The following AKNA variants were observed in gnomAD, a reference collection of about 807,000 sequenced individuals.
AKNA encodes AT-hook transcription factor.
Under a neutral mutation model 138.8 loss-of-function variants are expected in AKNA, and 67 were observed. The ratio of observed to expected loss-of-function variants is 0.48; its 90% confidence interval spans 0.40 to 0.59. The LOEUF (loss-of-function observed/expected upper bound fraction) is 0.59. Ranked by LOEUF, AKNA falls within the 20% of genes least tolerant of loss-of-function variation. AKNA has a pLI of 0.00. For missense variants in AKNA, 1,813 were observed against 1,880.4 expected, an observed-to-expected ratio of 0.96 and a Z score of 0.66; for synonymous variants, 737 against 754.4, an observed-to-expected ratio of 0.98 and a Z score of 0.38.
Position 114,336,830 on chromosome 9 carries a change from G to T in AKNA, c.*224C>A. The T allele has an allele frequency of 2.1e-6, 1 of 486,410 alleles. No homozygotes were observed. Among genetic ancestry groups the T allele is most frequent in the East Asian group, 3.3e-5 (1 of 30,020 alleles). 30.1% of individuals were successfully genotyped at this position (486,410 alleles called of 1,614,324 possible). On this transcript the variant is annotated 3_prime_UTR_variant, in exon 22 of 22. Transcript: ENST00000374088. ...GAGGCCTCGCTCACAGCACCTCTGT[G>T]AGGGGACTGGTGCTCCTGGGAAGTC...
intron 15 of AKNA, chr9:114,349,089 C>G: frequency 2.5e-6 from 1 of 407,570 alleles, no homozygotes; most frequent in South Asian, 1.7e-5. Context: ...GCCACGAGGG[C>G]AAGTGTGGGC....
Position 114,337,013 on chromosome 9 carries a change from G to GGGGGGGGGGGGGGGCCGCGCC in AKNA, c.*40_*41insGGCGCGGCCCCCCCCCCCCCC. The stretch of plus-strand genomic sequence containing the variant: ...CCACTCCTGGCCTGGCAGGCCACCT[G>GGGGGGGGGGGGGGGCCGCGCC]CCCACCCACCCACCCATCTGCCTCT... On this transcript the variant is annotated 3_prime_UTR_variant, in exon 22 of 22. Coordinates refer to ENST00000374088, the MANE Select transcript of AKNA (RefSeq NM_001317950.2). The GGGGGGGGGGGGGGGCCGCGCC allele has an allele frequency of 8.4e-7, 1 of 1,185,370 alleles. No homozygotes were observed. The highest frequency in any genetic ancestry group is 1.1e-6 in the Non-Finnish European group (1 of 921,704). The allele number at this position is 1,185,370 out of a possible 1,614,324, so 73.4% of individuals were successfully genotyped here. A position where few individuals can be genotyped will look rare whatever the true frequency, so the allele number is the denominator to read the frequency against.
chr9:114,364,303 A>G (rs1588988111), intron 7 of AKNA, among the ~76,000 whole-genome samples: 1 of 151,998 alleles, frequency 6.6e-6, no homozygotes, highest in East Asian at 1.9e-4. Context: ...CTGGGTTTTG[A>G]TGATGACCAA....
At chr9:114,331,366 G>C (rs1402577926), downstream of AKNA, among the ~76,000 whole-genome samples, 1 of 152,028 alleles carries the variant, frequency 6.6e-6, no homozygotes, top group African/African-American at 2.4e-5. Flanking sequence ...TCTGTGTGAG[G>C]CTCCTGAGAT....
upstream of AKNA, among the ~76,000 whole-genome samples, chr9:114,395,509 G>C (rs1000720340): frequency 6.6e-6 from 1 of 152,036 alleles, no homozygotes; most frequent in African/African-American, 2.4e-5. Context: ...ATACCAACCT[G>C]TTCCCAAGTC....
In AKNA at chr9:114,345,867, G is replaced by A. The variant is rs1830644877; in HGVS notation, c.3657C>T (p.Tyr1219=). The A allele has an allele frequency of 6.2e-7, 1 of 1,613,962 alleles. No homozygotes were observed. Among genetic ancestry groups the A allele is most frequent in the Admixed American group, 1.7e-5 (1 of 60,000 alleles). Residue 1219 remains tyrosine (Y), a synonymous_variant, in exon 18 of 22, where the codon TAC becomes TAT. Transcript: ENST00000374088. Reference sequence around the variant, plus strand: ...CGGCCCTCCCTCCTGACCTACCTGTGTATTGGCCCCGGAAGGTGACCCTGT... The same window carrying A: ...CGGCCCTCCCTCCTGACCTACCTGTATATTGGCCCCGGAAGGTGACCCTGT... ...WPDRVTFRGQ[Y]TGHEYHVLSP... is the part of the protein sequence containing the mutation.
At chr9:114,331,678 G>C (rs376454821), downstream of AKNA, 19 of 1,611,272 alleles carry the variant, frequency 1.2e-5, no homozygotes, top group Middle Eastern at 1.6e-4. Flanking sequence ...TTCTATGGTA[G>C]GCATGCTTAG....
At chr9:114,385,025 A>AT (rs1308424724) in intron 1 of AKNA, among the ~76,000 whole-genome samples, 2 of 151,342 alleles carry the variant, frequency 1.3e-5, no homozygotes, top group African/African-American at 4.9e-5. Flanking sequence ...AATTTTAAAA[A>AT]TTTTTTTTTG....
At chr9:114,332,503 C>G (rs983091709), downstream of AKNA, among the ~76,000 whole-genome samples, 12 of 152,104 alleles carry the variant, frequency 7.9e-5, no homozygotes, top group Non-Finnish European at 1.8e-4. Context: ...TGAGCTGGTT[C>G]CAATTTTTAA....
intron 2 of AKNA, among the ~76,000 whole-genome samples, chr9:114,379,680 T>C (rs1564092628): frequency 6.6e-6 from 1 of 152,224 alleles, no homozygotes; most frequent in Non-Finnish European, 1.5e-5. Flanking sequence ...CAGCTCTTAC[T>C]ATTCTCCACG....
At chr9:114,379,771 C>T (rs1833504947) in intron 2 of AKNA, among the ~76,000 whole-genome samples, 1 of 152,176 alleles carries the variant, frequency 6.6e-6, no homozygotes, top group Non-Finnish European at 1.5e-5. Flanking sequence ...GGAATTCAGT[C>T]TAAGTTGGTC....
chr9:114,337,600 A>C (rs978665474), intron 21 of AKNA, among the ~76,000 whole-genome samples: 2 of 152,104 alleles, frequency 1.3e-5, no homozygotes, highest in Non-Finnish European at 2.9e-5. Flanking sequence ...CATGCCAGCC[A>C]GCGTGCCAGG....
intron 15 of AKNA, among the ~76,000 whole-genome samples, chr9:114,350,242 C>T (rs765346327): frequency 1.3e-5 from 2 of 152,148 alleles, no homozygotes; most frequent in Non-Finnish European, 2.9e-5. Flanking sequence ...CAACTTTGCA[C>T]GTAGGCAACA....
At chr9:114,371,670 A>G (rs1832776647) in intron 4 of AKNA, among the ~76,000 whole-genome samples, 1 of 152,112 alleles carries the variant, frequency 6.6e-6, no homozygotes, top group Admixed American at 6.5e-5. Flanking sequence ...GGGGTGGGAT[A>G]CCTGTTGCTG....
At chr9:114,369,157 G>A (rs1832586901) in intron 4 of AKNA, among the ~76,000 whole-genome samples, 1 of 152,182 alleles carries the variant, frequency 6.6e-6, no homozygotes, top group South Asian at 2.1e-4. Flanking sequence ...TATCATTTGA[G>A]GATGGATTTA....
intron 14 of AKNA, among the ~76,000 whole-genome samples, chr9:114,351,540 T>C (rs1350598674): frequency 2.0e-5 from 3 of 151,794 alleles, no homozygotes; most frequent in African/African-American, 7.3e-5. Context: ...TGGCCAGACA[T>C]GGTGGCTCAC....
At chr9:114,388,015 C>A, upstream of AKNA, 2 of 324,708 alleles carry the variant, frequency 6.2e-6, no homozygotes, top group South Asian at 4.2e-5. Context: ...AGACCAGCAT[C>A]GCTCCCCACC....
intron 1 of AKNA, among the ~76,000 whole-genome samples, chr9:114,383,733 G>A (rs1354379131): frequency 1.3e-5 from 2 of 152,198 alleles, no homozygotes; most frequent in East Asian, 1.9e-4. Flanking sequence ...GTGTGGCTGA[G>A]AAAAGTCAGC....
intron 11 of AKNA, 102 bp downstream of exon 11, chr9:114,359,492 A>T (rs1831759457): frequency 6.3e-7 from 1 of 1,591,392 alleles, no homozygotes; most frequent in African/African-American, 1.4e-5. Context: ...CAGGTAAGCC[A>T]TGTCTAAACT....
Sources: gnomAD v4.1 joint callset for allele counts (sites outside exome capture counted in the v4.1 genomes callset) on GRCh38, gnomAD v4.1.1 for gene constraint, MANE v1.5 for transcripts, NCBI Gene and HGNC (gene_info 2026-07-23, HGNC 2026-07-21) for gene names.